Variants in SPATA13 observed in about 807,000 individuals in gnomAD.
SPATA13 encodes the protein spermatogenesis-associated protein 13.
SPATA13 carries 50 observed loss-of-function variants against 104.0 expected under a neutral mutation model. That is an observed-to-expected ratio of 0.48 (90% CI 0.38 to 0.61). The LOEUF (loss-of-function observed/expected upper bound fraction) is 0.61, where lower values mean the gene tolerates loss of function less well. SPATA13 is among the 20% of genes least tolerant of loss of function. The pLI is 0.00. For missense variants in SPATA13, 1,524 were observed against 1,690.6 expected, an observed-to-expected ratio of 0.90 and a Z score of 1.73; for synonymous variants, 606 against 667.5, an observed-to-expected ratio of 0.91 and a Z score of 1.42.
intron 4 of SPATA13, among the ~76,000 whole-genome samples, chr13:24,282,936 G>A (rs1033473141): frequency 3.3e-5 from 5 of 152,182 alleles, no homozygotes; most frequent in Admixed American, 6.5e-5. Context: ...TGTCATATGA[G>A]GGGACTCTAC....
At chr13:23,989,916 A>G (rs1317597475) in intron 2 of SPATA13, among the ~76,000 whole-genome samples, 1 of 152,174 alleles carries the variant, frequency 6.6e-6, no homozygotes, top group African/African-American at 2.4e-5. Context: ...TGAGCCAGAA[A>G]GTGGGCACCC....
intron 8 of SPATA13, among the ~76,000 whole-genome samples, chr13:24,289,635 A>G (rs1374733664): frequency 1.3e-5 from 2 of 152,300 alleles, no homozygotes; most frequent in Admixed American, 1.3e-4. Context: ...GTAACCCAAG[A>G]CCACATACCA....
At chr13:24,190,926 G>A (rs1404982163) in intron 1 of SPATA13, among the ~76,000 whole-genome samples, 3 of 151,966 alleles carry the variant, frequency 2.0e-5, no homozygotes, top group South Asian at 4.2e-4. Context: ...CTATATGAAG[G>A]AAGAGTCAAC....
intron 2 of SPATA13, among the ~76,000 whole-genome samples, chr13:23,992,054 C>A (rs1482225570): frequency 6.6e-6 from 1 of 152,192 alleles, no homozygotes; most frequent in Non-Finnish European, 1.5e-5. Flanking sequence ...TTTTATGTAA[C>A]CCTCACAAAA....
chr13:24,125,202 G>A (rs1369650120), intron 3 of SPATA13, among the ~76,000 whole-genome samples: 1 of 152,236 alleles, frequency 6.6e-6, no homozygotes, highest in African/African-American at 2.4e-5. Flanking sequence ...TCTGGAATCG[G>A]TGCTTAGTGG....
intron 3 of SPATA13, among the ~76,000 whole-genome samples, chr13:24,026,123 T>C (rs1179772462): frequency 6.6e-6 from 1 of 152,212 alleles, no homozygotes; most frequent in Non-Finnish European, 1.5e-5. Flanking sequence ...CTTTGTTGGT[T>C]ACATTGGTTG....
chr13:24,284,672 A>G (rs1406223410), intron 5 of SPATA13, among the ~76,000 whole-genome samples: 4 of 152,242 alleles, frequency 2.6e-5, no homozygotes, highest in African/African-American at 4.8e-5. Context: ...TCAAAAATAA[A>G]GAAAGAACAA....
At chr13:24,150,318 G>T (rs530878307) in intron 3 of SPATA13, among the ~76,000 whole-genome samples, 3 of 152,280 alleles carry the variant, frequency 2.0e-5, no homozygotes, top group Non-Finnish European at 4.4e-5. Context: ...CACAGCTCCT[G>T]CCAGTCCCCT....
At chr13:24,093,945 G>A (rs9578679) in intron 3 of SPATA13, among the ~76,000 whole-genome samples, 7,185 of 138,474 alleles carry the variant, frequency 0.052, 498 homozygotes, top group African/African-American at 0.16. Context: ...GCCTCTCCCC[G>A]TCCCGGAGGT....
rs990477708 is a variant in SPATA13, at chr13:24,284,204, A to G, written c.2234A>G (p.Tyr745Cys). Residue 745 changes from tyrosine (Y) to cysteine (C), a missense_variant, in exon 5 of 13, where the codon TAT (tyrosine) becomes TGT (cysteine). Coordinates refer to ENST00000382108, the MANE Select transcript of SPATA13 (RefSeq NM_001166271.3). ...AACGGTAGTGAGGAGGACTTCAGCT[A>G]TGAAGACCTCTGCCAGGCCAGCCCT... ...DDNGSEEDFSYEDLCQASPRY... is the reference protein window; with the variant it reads ...DDNGSEEDFSCEDLCQASPRY... 6.8e-6 allele frequency: 11 copies of G among 1,613,770 alleles called. No homozygotes were observed. The highest frequency in any genetic ancestry group is 9.3e-6 in the Non-Finnish European group (11 of 1,179,850).
rs531638025 is a variant in SPATA13, at chr13:24,289,018, G to T, written c.2687G>T (p.Arg896Leu). Residue 896 changes from arginine (R) to leucine (L), a missense_variant, in exon 8 of 13, where the codon CGC becomes CTC. Coordinates refer to ENST00000382108, the MANE Select transcript of SPATA13 (RefSeq NM_001166271.3). ...TTGCAGGGCTATATCCGACAGTGCC[G>T]CAAGCACACAGGAATGTTCACCGTT... ...DICEGYIRQC[R>L]KHTGMFTVAQ... 10 of 1,608,948 alleles carry T rather than the reference G, an allele frequency of 6.2e-6. No individual in the cohort carries two copies. Among genetic ancestry groups the T allele is most frequent in the Admixed American group, 5.2e-5 (3 of 58,112 alleles).
intron 1 of SPATA13, among the ~76,000 whole-genome samples, chr13:24,198,499 G>A (rs7139760): frequency 9.2e-5 from 14 of 152,112 alleles, no homozygotes; most frequent in African/African-American, 3.4e-4. Context: ...TCCTTCAGAC[G>A]CAGTTAATAA....
At chr13:24,100,079 G>A (rs1371127737) in intron 3 of SPATA13, among the ~76,000 whole-genome samples, 4 of 151,882 alleles carry the variant, frequency 2.6e-5, no homozygotes, top group Non-Finnish European at 4.4e-5. Context: ...AACTCATTAA[G>A]CTATATTATT....
upstream of SPATA13, chr13:24,160,697 C>T (rs200235625): frequency 3.1e-6 from 3 of 977,810 alleles, no homozygotes; most frequent in Non-Finnish European, 3.6e-6. Context: ...TGGTGGGGAG[C>T]GGGGCTGGGG....
intron 3 of SPATA13, among the ~76,000 whole-genome samples, chr13:24,097,773 C>T (rs1028302666): frequency 3.3e-5 from 5 of 152,144 alleles, no homozygotes; most frequent in East Asian, 1.9e-4. Context: ...AAGGTATGCA[C>T]CGGAAAGCAT....
chr13:24,273,370 GACATT>G, intron 4 of SPATA13, among the ~76,000 whole-genome samples: 1 of 152,282 alleles, frequency 6.6e-6, no homozygotes, highest in Middle Eastern at 3.4e-3. Flanking sequence ...AAGCTCCTTA[GACATT>G]AATAACAGAT....
At chr13:23,998,058 G>A (rs886857450) in intron 2 of SPATA13, among the ~76,000 whole-genome samples, 2 of 152,166 alleles carry the variant, frequency 1.3e-5, no homozygotes, top group African/African-American at 4.8e-5. Flanking sequence ...GTGGACAAAT[G>A]TACTCTTTTC....
At chr13:24,166,424 G>C (rs183642678) in intron 1 of SPATA13, among the ~76,000 whole-genome samples, 1 of 152,164 alleles carries the variant, frequency 6.6e-6, no homozygotes, top group Non-Finnish European at 1.5e-5. Context: ...ATTAGGGAAG[G>C]AGCTGACAAA....
chr13:24,224,274 G>C lies in SPATA13; in HGVS notation c.1345G>C (p.Ala449Pro). 1 of 1,551,664 alleles carries C rather than the reference G, an allele frequency of 6.4e-7. No homozygotes were observed. The highest frequency in any genetic ancestry group is 8.7e-7 in the Non-Finnish European group (1 of 1,146,990). ...VLSKDSCDPNAGSQLTFDPEQ... is the reference protein window; with the variant it reads ...VLSKDSCDPNPGSQLTFDPEQ... ...GAGCAAAGACTCCTGTGACCCAAAC[G>C]CTGGCAGCCAGTTGACATTTGACCC... is the stretch of plus-strand genomic sequence containing the variant. Residue 449 changes from alanine (A) to proline (P), a missense_variant, in exon 2 of 13, where the codon GCT becomes CCT. Transcript: ENST00000382108.
Sources: gnomAD v4.1 joint callset for allele counts (sites outside exome capture counted in the v4.1 genomes callset) on GRCh38, gnomAD v4.1.1 for gene constraint, MANE v1.5 for transcripts, NCBI Gene and HGNC (gene_info 2026-07-23, HGNC 2026-07-21) for gene names.